GABRB2: variants seen among roughly 807,000 people sequenced by gnomAD.
GABRB2 encodes gamma-aminobutyric acid type A receptor subunit beta2, also known as gamma-aminobutyric acid receptor subunit beta-2.
In GABRB2, 16 loss-of-function variants were observed where a neutral mutation model predicts 54.7. That is an observed-to-expected ratio of 0.29 (90% CI 0.20 to 0.44). The LOEUF (loss-of-function observed/expected upper bound fraction) is 0.44, where lower values mean the gene tolerates loss of function less well. Among genes scored for constraint, GABRB2 ranks in the 20% least tolerant of loss-of-function variants. The pLI, the probability that GABRB2 is intolerant of heterozygous loss-of-function variation, is 1.00. For missense variants in GABRB2, 355 were observed against 644.0 expected (o/e 0.55, Z 4.86); for synonymous variants, 244 against 233.8 (o/e 1.04, Z -0.40).
intron 4 of GABRB2, among the ~76,000 whole-genome samples, chr5:161,446,686 T>C (rs574245162): frequency 6.6e-6 from 1 of 152,278 alleles, no homozygotes; most frequent in East Asian, 1.9e-4. Flanking sequence ...TTATTTACTT[T>C]TGACAAAATT....
chr5:161,294,231 C>G lies in GABRB2; in HGVS notation c.1389G>C (p.Lys463Asn). The G allele has an allele frequency of 6.2e-7, 1 of 1,614,146 alleles. No individual in the cohort carries two copies. The highest frequency in any genetic ancestry group is 8.5e-7 in the Non-Finnish European group (1 of 1,180,006). The change falls in exon 10 of 10, where the codon AAG (lysine) becomes AAC (asparagine). Residue 463 changes from lysine to asparagine, a missense_variant. Physicochemically the swap from Lys to Asn is moderately conservative, Grantham distance 94. Around this residue, in one of 6 missense-constraint regions of GABRB2, gnomAD observed 201 missense variants for 228.1 expected, o/e 0.88. Coordinates refer to ENST00000393959, the MANE Select transcript of GABRB2 (RefSeq NM_001371727.1). ...RNALERHVAQ[K>N]KSRLRRRASQ... Reference sequence around the variant, plus strand: ...AGGCGCGTCTCCTCAGGCGACTTTTCTTTTGCGCCACATGTCGTTCCAGAG... The same window carrying G: ...AGGCGCGTCTCCTCAGGCGACTTTTGTTTTGCGCCACATGTCGTTCCAGAG...
intron 5 of GABRB2, among the ~76,000 whole-genome samples, chr5:161,399,000 A>G (rs1015857133): frequency 6.6e-6 from 1 of 152,104 alleles, no homozygotes; most frequent in Non-Finnish European, 1.5e-5. Flanking sequence ...CCTTCTAGTT[A>G]TAAGGGTGAC....
chr5:161,442,050 A>G (rs764525915), intron 4 of GABRB2, among the ~76,000 whole-genome samples: 5 of 152,126 alleles, frequency 3.3e-5, no homozygotes, highest in African/African-American at 9.7e-5. Context: ...TAGGGTGACT[A>G]TAGTCAATGG....
At chr5:161,516,382 T>G (rs1214194234) in intron 3 of GABRB2, among the ~76,000 whole-genome samples, 1 of 151,434 alleles carries the variant, frequency 6.6e-6, no homozygotes, top group Non-Finnish European at 1.5e-5. Context: ...GAGGAAATTA[T>G]GTGAGTTCGC....
intron 3 of GABRB2, among the ~76,000 whole-genome samples, chr5:161,493,275 T>C (rs1759133051): frequency 6.6e-6 from 1 of 151,764 alleles, no homozygotes; most frequent in Non-Finnish European, 1.5e-5. Context: ...TTTTCCATTT[T>C]TTCCTTATTG....
At chr5:161,319,871 T>C (rs957098685) in intron 9 of GABRB2, among the ~76,000 whole-genome samples, 5 of 151,774 alleles carry the variant, frequency 3.3e-5, no homozygotes, top group African/African-American at 9.7e-5. Context: ...TGGTCGTTTT[T>C]CTTTTCTATT....
At chr5:161,362,389 A>G (rs1451544898) in intron 5 of GABRB2, among the ~76,000 whole-genome samples, 2 of 152,144 alleles carry the variant, frequency 1.3e-5, no homozygotes, top group Non-Finnish European at 2.9e-5. Flanking sequence ...TTTTCATGAT[A>G]TTGATTCTTC....
At chr5:161,327,160 T>C (rs551611940) in intron 8 of GABRB2, among the ~76,000 whole-genome samples, 28 of 151,854 alleles carry the variant, frequency 1.8e-4, no homozygotes, top group Non-Finnish European at 3.2e-4. Context: ...AAAGGACACT[T>C]GGGAAAAAAT....
In GABRB2 at chr5:161,291,087, A is replaced by G. The variant is rs1228266964; in HGVS notation, c.*2994T>C. 6.6e-6 allele frequency: 1 copy of G among 152,566 alleles called. No individual in the cohort carries two copies. The highest frequency in any genetic ancestry group is 1.5e-5 in the Non-Finnish European group (1 of 68,016). The allele number at this position is 152,566 out of a possible 1,614,324, so 9.5% of individuals were successfully genotyped here. A position where few individuals can be genotyped will look rare whatever the true frequency, so the allele number is the denominator to read the frequency against. ...TGCAAACACATGATTATGTTGCATG[A>G]GTTTTCAACTCTGAAATGCATTTCA... On this transcript the variant is annotated 3_prime_UTR_variant, in exon 10 of 10. Coordinates refer to ENST00000393959, the MANE Select transcript of GABRB2 (RefSeq NM_001371727.1).
At chr5:161,519,100 A>G (rs1034520472) in intron 3 of GABRB2, among the ~76,000 whole-genome samples, 1 of 152,192 alleles carries the variant, frequency 6.6e-6, no homozygotes, top group African/African-American at 2.4e-5. Context: ...AGAAAGGTTA[A>G]GTTTCATGTC....
chr5:161,518,801 G>T (rs1005509983), intron 3 of GABRB2, among the ~76,000 whole-genome samples: 1 of 152,122 alleles, frequency 6.6e-6, no homozygotes, highest in Non-Finnish European at 1.5e-5. Context: ...TTCAAATGTA[G>T]AAAAAGACAT....
At chr5:161,472,646 G>A (rs547692075) in intron 3 of GABRB2, among the ~76,000 whole-genome samples, 3 of 151,994 alleles carry the variant, frequency 2.0e-5, no homozygotes, top group South Asian at 4.1e-4. Flanking sequence ...CATAAACTTT[G>A]TGTTAAATTA....
intron 9 of GABRB2, among the ~76,000 whole-genome samples, chr5:161,306,899 T>C (rs936204514): frequency 6.6e-6 from 1 of 152,098 alleles, no homozygotes; most frequent in Non-Finnish European, 1.5e-5. Context: ...GCGCACTGTG[T>C]CCAGCAAAAG....
chr5:161,299,846 T>C (rs1020282978), intron 9 of GABRB2, among the ~76,000 whole-genome samples: 1 of 152,192 alleles, frequency 6.6e-6, no homozygotes, highest in African/African-American at 2.4e-5. Flanking sequence ...TAGGGCAGGA[T>C]GGAAATTAGA....
chr5:161,334,964 T>G, intron 6 of GABRB2, 60 bp from the exon 7 acceptor site: 2 of 1,534,916 alleles, frequency 1.3e-6, no homozygotes, highest in Middle Eastern at 1.8e-4. Context: ...ATACTTTTCT[T>G]TAAAGGTGCA....
chr5:161,362,970 C>T (rs555644267), intron 5 of GABRB2, among the ~76,000 whole-genome samples: 155 of 152,230 alleles, frequency 1.0e-3, no homozygotes, highest in African/African-American at 3.6e-3. Context: ...GACAGTGTGG[C>T]GATTCCCCAA....
chr5:161,513,950 T>C (rs1395518730), intron 3 of GABRB2, among the ~76,000 whole-genome samples: 2 of 152,108 alleles, frequency 1.3e-5, no homozygotes, highest in Non-Finnish European at 2.9e-5. Flanking sequence ...AAATTTAGCT[T>C]CCTCATCATT....
intron 3 of GABRB2, among the ~76,000 whole-genome samples, chr5:161,535,531 A>C (rs778194905): frequency 2.0e-5 from 3 of 152,212 alleles, no homozygotes; most frequent in Non-Finnish European, 2.9e-5. Context: ...CTACATTTTA[A>C]AATGCAGTGT....
At position 161,410,995 on chromosome 5, in the gene GABRB2, C is replaced by A; in HGVS notation, c.521G>T (p.Cys174Phe). The A allele has an allele frequency of 6.2e-7, 1 of 1,613,408 alleles. No individual in the cohort carries two copies. Among genetic ancestry groups the A allele is most frequent in the Non-Finnish European group, 8.5e-7 (1 of 1,179,468 alleles). ...LRRYPLDEQN[C>F]TLEIESYGYT... is the part of the protein sequence containing the mutation. ...CTTACAGCTCTCAATTTCCAAGGTG[C>A]AGTTTTGTTCATCCAGTGGGTACCT... is the stretch of plus-strand genomic sequence containing the variant. Residue 174 changes from cysteine to phenylalanine, a missense_variant, in exon 5 of 10, where the codon TGC becomes TTC. Cys to Phe is a radical substitution (Grantham distance 205, BLOSUM62 -2). Coordinates refer to ENST00000393959, the MANE Select transcript of GABRB2 (RefSeq NM_001371727.1).
Sources: allele counts gnomAD v4.1 joint callset (sites outside exome capture counted in the v4.1 genomes callset), GRCh38; gene constraint gnomAD v4.1.1; regional missense constraint gnomAD v4.1.1; transcripts MANE v1.5; gene names NCBI Gene and HGNC (gene_info 2026-07-23, HGNC 2026-07-21).